The following GBA1 variants were observed in gnomAD, a reference collection of about 807,000 sequenced individuals.
The protein encoded by GBA1 is lysosomal acid glucosylceramidase.
At chr1:155,236,020 G>A in the GBA1 span, among the ~76,000 whole-genome samples, 2 of 152,268 alleles carry the variant, frequency 1.3e-5, no homozygotes, top group African/African-American at 4.8e-5. Context: ...AAGGGGAGCT[G>A]AGAAGTCTGA....
chr1:155,235,698 G>C, the GBA1 span: 1 of 1,608,628 alleles, frequency 6.2e-7, no homozygotes, highest in Non-Finnish European at 8.5e-7. Context: ...GGCCAAGGTG[G>C]TAGAACATGG....
chr1:155,239,492 C>T, the GBA1 span: 1 of 1,045,652 alleles, frequency 9.6e-7, no homozygotes, highest in East Asian at 2.6e-5. Context: ...GATCACACCA[C>T]TGCACTCCTG....
chr1:155,237,867 A>C, the GBA1 span: 23 of 650,118 alleles, frequency 3.5e-5, no homozygotes, highest in East Asian at 6.3e-4. Context: ...GCGCCACAGC[A>C]CTCCAGCCTG....
chr1:155,236,577 G>T, the GBA1 span: 1 of 874,150 alleles, frequency 1.1e-6, no homozygotes. Context: ...TGCAACTAGA[G>T]AGGTTTGGGG....
chr1:155,239,721 C>T, the GBA1 span: 1 of 1,614,130 alleles, frequency 6.2e-7, no homozygotes, highest in Non-Finnish European at 8.5e-7. Flanking sequence ...AATCCCTTCA[C>T]TTTCTGGAAC....
chr1:155,235,344 G>A, the GBA1 span: 88 of 1,604,892 alleles, frequency 5.5e-5, 1 homozygote, highest in South Asian at 7.6e-4. Context: ...AGAGTCCCTC[G>A]GGGTACCTCC....
the GBA1 span, chr1:155,237,623 C>T: frequency 1.9e-6 from 3 of 1,608,538 alleles, no homozygotes; most frequent in East Asian, 2.2e-5. Flanking sequence ...GAAAGTGGAC[C>T]AGACCAGCTG....
the GBA1 span, chr1:155,240,689 C>T: frequency 2.4e-5 from 38 of 1,613,598 alleles, no homozygotes; most frequent in African/African-American, 3.7e-4. Flanking sequence ...AGCCATGATG[C>T]TTACCCTACT....
chr1:155,236,415 A>G, the GBA1 span: 1 of 1,614,166 alleles, frequency 6.2e-7, no homozygotes, highest in Non-Finnish European at 8.5e-7. Context: ...AAGTCCAGGT[A>G]CCAATGTACA....
the GBA1 span, chr1:155,241,195 G>C: frequency 7.3e-7 from 1 of 1,374,282 alleles, no homozygotes; most frequent in African/African-American, 1.4e-5. Context: ...ACAAAAACAA[G>C]GATGCAGGTA....
the GBA1 span, among the ~76,000 whole-genome samples, chr1:155,243,438 CTCT>C: frequency 6.6e-6 from 1 of 152,086 alleles, no homozygotes; most frequent in Non-Finnish European, 1.5e-5. Context: ...CATAGTGAGC[CTCT>C]TCTTTTTTGG....
the GBA1 span, chr1:155,237,915 A>G: frequency 3.4e-5 from 23 of 667,364 alleles, no homozygotes; most frequent in African/African-American, 1.1e-4. Flanking sequence ...AAAAAAAAAA[A>G]AAGAAGAAAA....
At chr1:155,238,260 GA>G in the GBA1 span, 1 of 1,609,156 alleles carries the variant, frequency 6.2e-7, no homozygotes, top group African/African-American at 1.3e-5. Flanking sequence ...GGCAAGGAGT[GA>G]AACGGGACGC....
At chr1:155,235,943 G>A in the GBA1 span, 4 of 1,420,462 alleles carry the variant, frequency 2.8e-6, no homozygotes, top group East Asian at 4.6e-5. Flanking sequence ...CTGTGGGTAG[G>A]TCAGCCCTGT....
At chr1:155,237,446 G>A in the GBA1 span, 1 of 1,614,006 alleles carries the variant, frequency 6.2e-7, no homozygotes, top group Non-Finnish European at 8.5e-7. Flanking sequence ...CACGGGCAAT[G>A]AAGTCTCGCT....
At chr1:155,239,676 T>C in the GBA1 span, 3 of 1,613,900 alleles carry the variant, frequency 1.9e-6, no homozygotes, top group African/African-American at 4.0e-5. Flanking sequence ...AGGGCAAGGA[T>C]GTTGAGAGCA....
chr1:155,236,541 A>G, the GBA1 span: 8 of 1,267,244 alleles, frequency 6.3e-6, no homozygotes, highest in African/African-American at 1.2e-4. Flanking sequence ...TGTTGTAGGA[A>G]TCCTGGAGTT....
the GBA1 span, chr1:155,238,293 T>G: frequency 6.3e-7 from 1 of 1,584,386 alleles, no homozygotes; most frequent in Non-Finnish European, 8.6e-7. Context: ...CAGGGCTCGG[T>G]GAATCAGGGG....
chr1:155,238,044 G>A, the GBA1 span: 3 of 1,381,490 alleles, frequency 2.2e-6, no homozygotes, highest in Non-Finnish European at 3.1e-6. Flanking sequence ...AGGCAGATCT[G>A]GAAGTGGAAC....
Sources: allele counts gnomAD v4.1 joint callset (sites outside exome capture counted in the v4.1 genomes callset), GRCh38; gene constraint gnomAD v4.1.1; transcripts MANE v1.5; gene names NCBI Gene and HGNC (gene_info 2026-07-23, HGNC 2026-07-21).